The following EARS2 variants were observed in gnomAD, a reference collection of about 807,000 sequenced individuals.
EARS2 encodes the protein nondiscriminating glutamyl-tRNA synthetase EARS2, mitochondrial.
Under a neutral mutation model 54.1 loss-of-function variants are expected in EARS2, and 50 were observed. That is an observed-to-expected ratio of 0.92 (90% confidence interval 0.74 to 1.17). EARS2 has a LOEUF of 1.17. Among genes scored for constraint, EARS2 ranks in the 50% most tolerant of loss-of-function variants. EARS2 has a pLI of 0.00. For synonymous variants in EARS2, 298 were observed against 281.0 expected, an observed-to-expected ratio of 1.06 and a Z score of -0.61; for missense variants, 673 against 675.0, an observed-to-expected ratio of 1.00 and a Z score of 0.03.
chr16:23,555,045 A>C (rs1378428731), intron 1 of EARS2, among the ~76,000 whole-genome samples: 1 of 152,250 alleles, frequency 6.6e-6, no homozygotes, highest in East Asian at 1.9e-4. Context: ...TACAATCATC[A>C]TAATAGAGGC....
chr16:23,524,192 T>G lies in EARS2; in HGVS notation c.*179A>C, dbSNP rs997021215. ...GATGGGTTGGGCTTCCCCAGCCAAT[T>G]GACAAAAACGTGCCTGTGGTGGATC... On this transcript the variant is annotated 3_prime_UTR_variant, in exon 9 of 9. Transcript: ENST00000449606. The G allele has an allele frequency of 2.0e-5, 13 of 646,792 alleles. No homozygotes were observed. Among genetic ancestry groups the G allele is most frequent in the Non-Finnish European group, 3.3e-5 (12 of 363,620 alleles). The allele number at this position is 646,792 out of a possible 1,614,324, so 40.1% of individuals were successfully genotyped here. A position where few individuals can be genotyped will look rare whatever the true frequency, so the allele number is the denominator to read the frequency against.
At chr16:23,531,945 AGCCGGGACT>A (rs1289559015) in intron 5 of EARS2, among the ~76,000 whole-genome samples, 1 of 152,170 alleles carries the variant, frequency 6.6e-6, no homozygotes, top group Non-Finnish European at 1.5e-5. Flanking sequence ...CCTCCCAAGT[AGCCGGGACT>A]ACAAGCATGT....
chr16:23,538,274 A>G (rs1007454602), intron 3 of EARS2, among the ~76,000 whole-genome samples: 1 of 152,032 alleles, frequency 6.6e-6, no homozygotes, highest in Non-Finnish European at 1.5e-5. Context: ...CAGGCTCCCA[A>G]GTAGCTGGGA....
In EARS2 at chr16:23,544,570, T is replaced by A. The variant is rs1035746831; in HGVS notation, c.429A>T (p.Ser143=). 2.5e-6 allele frequency: 4 copies of A among 1,613,942 alleles called. No homozygotes were observed. The African/African-American group carries it at 5.3e-5, about 22-fold the overall frequency. ...TCTTCAGGAGCTCCAGCCGCTGGGG[T>A]GAGCAGAAACAGGGGTAAGCAGCTC... is the stretch of plus-strand genomic sequence containing the variant. The part of the protein sequence containing the change: ...KTGAAYPCFC[S]PQRLELLKKE... Residue 143 remains serine, a synonymous_variant, in exon 3 of 9, where the codon TCA becomes TCT. Transcript: ENST00000449606.
At chr16:23,545,141 C>T (rs1965582623) in intron 2 of EARS2, 1 of 158,902 alleles carries the variant, frequency 6.3e-6, no homozygotes. Flanking sequence ...TGCACCCGGC[C>T]CAATGTCCCT....
chr16:23,549,445 G>A (rs567979285), intron 2 of EARS2, among the ~76,000 whole-genome samples: 1 of 152,214 alleles, frequency 6.6e-6, no homozygotes, highest in East Asian at 1.9e-4. Context: ...AGGCCCAAGC[G>A]AGGCCCCGAC....
intron 3 of EARS2, among the ~76,000 whole-genome samples, chr16:23,543,329 G>A (rs749453000): frequency 5.5e-4 from 83 of 151,110 alleles, no homozygotes; most frequent in Non-Finnish European, 9.6e-4. Flanking sequence ...GGGGCACTGC[G>A]TGAGTCCAGG....
intron 3 of EARS2, among the ~76,000 whole-genome samples, chr16:23,542,275 G>C (rs1435362501): frequency 6.7e-6 from 1 of 149,694 alleles, no homozygotes; most frequent in African/African-American, 2.5e-5. Flanking sequence ...AATTACAGAC[G>C]TGAGCCACCA....
At chr16:23,550,810 T>C (rs748299593) in intron 2 of EARS2, 2 of 152,186 alleles carry the variant, frequency 1.3e-5, no homozygotes, top group Non-Finnish European at 2.9e-5. Flanking sequence ...CATCTCAAAA[T>C]AGTCTTGGGG....
At chr16:23,536,309 T>A (rs952626859) in intron 3 of EARS2, among the ~76,000 whole-genome samples, 3 of 152,142 alleles carry the variant, frequency 2.0e-5, no homozygotes, top group African/African-American at 7.2e-5. Context: ...AATCAATCAA[T>A]AAATGGTGCA....
Position 23,532,693 on chromosome 16 carries a change from G to A in EARS2, c.1031C>T (p.Ala344Val). Residue 344 changes from alanine to valine, a missense_variant, in exon 5 of 9, where the codon GCC (alanine) becomes GTC (valine). This residue lies in a region of EARS2 where 338 missense variants were observed against 361.2 expected (regional missense o/e 0.94). Coordinates refer to ENST00000449606, the MANE Select transcript of EARS2 (RefSeq NM_001083614.2). Reference protein sequence around the residue: ...FNLTQVTCHSALLDLEKLPEF... With the variant: ...FNLTQVTCHSVLLDLEKLPEF... ...TGGGAGCTTCTCCAGGTCCAGCAGG[G>A]CTGAGTGACAGGTGACCTGTGTCAG... The A allele has an allele frequency of 1.2e-6, 2 of 1,614,090 alleles. No individual in the cohort carries two copies. Among genetic ancestry groups the A allele is most frequent in the Non-Finnish European group, 8.5e-7 (1 of 1,179,982 alleles).
chr16:23,534,500 T>C (rs1362092873), intron 4 of EARS2, among the ~76,000 whole-genome samples: 3 of 152,212 alleles, frequency 2.0e-5, no homozygotes, highest in African/African-American at 7.2e-5. Flanking sequence ...TACATGCTTG[T>C]AATAATTGTC....
chr16:23,540,389 A>G (rs1212812595), intron 3 of EARS2, among the ~76,000 whole-genome samples: 1 of 152,252 alleles, frequency 6.6e-6, no homozygotes, highest in Admixed American at 6.5e-5. Context: ...AAACGTCATG[A>G]CCTTGGCCAA....
At chr16:23,525,409 T>C (rs1251264963) in intron 7 of EARS2, 30 bp from the exon 8 acceptor site, 1 of 1,598,454 alleles carries the variant, frequency 6.3e-7, no homozygotes, top group Non-Finnish European at 8.5e-7. Flanking sequence ...TTACAGGGCC[T>C]GCATGGGCCA....
At position 23,532,667 on chromosome 16, in the gene EARS2, C is replaced by G; in HGVS notation, c.1057G>C (p.Glu353Gln). ...ATGCTCCCCACTCACCTGTTGAATT[C>G]TGGGAGCTTCTCCAGGTCCAGCAGG... ...SALLDLEKLP[E>Q]FNRLHLQRLV... The change falls in exon 5 of 9, where the codon GAA becomes CAA. Residue 353 changes from glutamate to glutamine, a missense_variant. Transcript: ENST00000449606. The G allele has an allele frequency of 1.2e-6, 2 of 1,613,756 alleles. No individual in the cohort carries two copies. Among genetic ancestry groups the G allele is most frequent in the Non-Finnish European group, 1.7e-6 (2 of 1,179,782 alleles).
At chr16:23,541,904 G>A (rs971183694) in intron 3 of EARS2, among the ~76,000 whole-genome samples, 13 of 151,678 alleles carry the variant, frequency 8.6e-5, no homozygotes, top group African/African-American at 3.2e-4. Context: ...TGTTGCCCAG[G>A]CTGGAGTACA....
intron 2 of EARS2, among the ~76,000 whole-genome samples, chr16:23,551,206 G>C (rs1196043748): frequency 6.6e-6 from 1 of 152,224 alleles, no homozygotes; most frequent in African/African-American, 2.4e-5. Context: ...CCCAACTCTG[G>C]ATGAGGTGTG....
At position 23,521,495 on chromosome 16, in the gene EARS2, C is replaced by T. The variant is rs1291179078; in HGVS notation, c.*2876G>A. Among the ~76,000 whole-genome samples the T allele has an allele frequency of 2.0e-5, 3 of 151,864 alleles. No homozygotes were observed. The highest frequency in any genetic ancestry group is 4.4e-5 in the Non-Finnish European group (3 of 67,966). ...GCTCACTGCAGCCTTAACGCCTCAG[C>T]TCAAGTGATCCTCCTACCTTAGTCT... is the stretch of plus-strand genomic sequence containing the variant. On this transcript the variant is annotated 3_prime_UTR_variant, in exon 9 of 9. Coordinates refer to ENST00000449606, the MANE Select transcript of EARS2 (RefSeq NM_001083614.2).
chr16:23,557,362 CG>C (rs2142204005), upstream of EARS2: 1 of 1,538,528 alleles, frequency 6.5e-7, no homozygotes, highest in Non-Finnish European at 8.7e-7. Context: ...GAATAGCACA[CG>C]TGGGCTTCTC....
Sources: allele counts gnomAD v4.1 joint callset (sites outside exome capture counted in the v4.1 genomes callset), GRCh38; gene constraint gnomAD v4.1.1; regional missense constraint gnomAD v4.1.1; transcripts MANE v1.5; gene names NCBI Gene and HGNC (gene_info 2026-07-23, HGNC 2026-07-21).